TMEM177: variants seen among roughly 807,000 people sequenced by gnomAD.
The protein encoded by TMEM177 is transmembrane protein 177.
TMEM177 carries 4 observed loss-of-function variants against 14.2 expected under a neutral mutation model. The observed-to-expected ratio is 0.28, with a 90% CI of 0.14 to 0.64. TMEM177 has a LOEUF of 0.64. TMEM177 is among the 30% of genes least tolerant of loss of function. The pLI is 0.82. For missense variants in TMEM177, 344 were observed against 405.2 expected (o/e 0.85, Z 1.30); for synonymous variants, 179 against 174.5 (o/e 1.03, Z -0.20).
the TMEM177 span, among the ~76,000 whole-genome samples, chr2:119,709,935 C>T: frequency 6.6e-6 from 1 of 152,146 alleles, no homozygotes; most frequent in Non-Finnish European, 1.5e-5. Flanking sequence ...AAAATGTACG[C>T]ACTTGTAAAC....
downstream of TMEM177, among the ~76,000 whole-genome samples, chr2:119,682,515 AGT>A (rs1449312882): frequency 6.6e-6 from 1 of 152,048 alleles, no homozygotes; most frequent in Admixed American, 6.5e-5. Context: ...GGGCCTTAAG[AGT>A]GTTGTGTCAG....
downstream of TMEM177, among the ~76,000 whole-genome samples, chr2:119,688,447 G>A (rs777333773): frequency 6.6e-4 from 101 of 152,286 alleles, 1 homozygote; most frequent in Middle Eastern, 3.4e-3. Context: ...AACCTGGATG[G>A]CACAGCCTCC....
the TMEM177 span, among the ~76,000 whole-genome samples, chr2:119,704,512 C>T: frequency 1.3e-5 from 2 of 151,922 alleles, no homozygotes; most frequent in Admixed American, 6.6e-5. Context: ...GCAGGAGAAT[C>T]GCTTGAACCT....
chr2:119,699,351 C>T, the TMEM177 span, among the ~76,000 whole-genome samples: 2 of 152,280 alleles, frequency 1.3e-5, no homozygotes, highest in Non-Finnish European at 2.9e-5. Flanking sequence ...ATCACAAGCA[C>T]GGCACGGGGG....
chr2:119,681,651 A>C lies in TMEM177; in HGVS notation c.798A>C (p.Lys266Asn). ...TGGCCCTGCGCAGTCTCTTGGGCAA[A>C]GACGGGGAGAAGCTGTATACACCCA... ...GNLALRSLLGKDGEKLYTPSG... is the reference protein window; with the variant it reads ...GNLALRSLLGNDGEKLYTPSG... Residue 266 changes from lysine to asparagine, a missense_variant, in exon 2 of 2, where the codon AAA becomes AAC. By Grantham distance (94) the Lys-to-Asn change is moderately conservative. Transcript: ENST00000272521. The C allele has an allele frequency of 6.2e-7, 1 of 1,614,226 alleles. No individual in the cohort carries two copies. The highest frequency in any genetic ancestry group is 8.5e-7 in the Non-Finnish European group (1 of 1,180,046).
At chr2:119,704,107 G>T in the TMEM177 span, among the ~76,000 whole-genome samples, 1 of 152,208 alleles carries the variant, frequency 6.6e-6, no homozygotes, top group Non-Finnish European at 1.5e-5. Flanking sequence ...GCAGTGGAAT[G>T]CAGCCGAAAG....
At position 119,681,786 on chromosome 2, in the gene TMEM177, C is replaced by CG; in HGVS notation, c.933_934insG (p.Ter312ValfsTer19). ...GGGGGATGCTCAATCCGGGCCGCTC[C>CG]TGATGGGCTCATCACAAGGACACTT... On this transcript the variant is annotated frameshift_variant, in exon 2 of 2. Coordinates refer to ENST00000272521, the MANE Select transcript of TMEM177 (RefSeq NM_030577.3). LOFTEE classifies it high-confidence loss of function. 1.2e-6 allele frequency: 2 copies of CG among 1,610,706 alleles called. No individual in the cohort carries two copies. The highest frequency in any genetic ancestry group is 1.7e-5 in the Admixed American group (1 of 59,918).
At chr2:119,719,117 A>C in the TMEM177 span, among the ~76,000 whole-genome samples, 3 of 152,168 alleles carry the variant, frequency 2.0e-5, no homozygotes, top group African/African-American at 7.2e-5. Context: ...CTTAATGGTC[A>C]ACACACCCAA....
chr2:119,680,141 GCCT>G (rs1193409563), intron 1 of TMEM177, among the ~76,000 whole-genome samples: 1 of 152,098 alleles, frequency 6.6e-6, no homozygotes, highest in Non-Finnish European at 1.5e-5. Context: ...CATACTGATG[GCCT>G]CATTTTATCT....
At chr2:119,692,492 G>A in the TMEM177 span, among the ~76,000 whole-genome samples, 2 of 152,362 alleles carry the variant, frequency 1.3e-5, no homozygotes, top group East Asian at 1.9e-4. Context: ...CGAGGTCGGC[G>A]CTGGGGTGGC....
the TMEM177 span, among the ~76,000 whole-genome samples, chr2:119,692,032 G>A: frequency 6.6e-6 from 1 of 152,198 alleles, no homozygotes; most frequent in Non-Finnish European, 1.5e-5. Flanking sequence ...AAGACCACTC[G>A]GGAGCTGGGC....
the TMEM177 span, among the ~76,000 whole-genome samples, chr2:119,703,584 T>C: frequency 1.3e-5 from 2 of 152,190 alleles, no homozygotes; most frequent in African/African-American, 4.8e-5. Flanking sequence ...AGTGCTCACA[T>C]ATAATGTGGA....
chr2:119,720,370 G>A, the TMEM177 span, among the ~76,000 whole-genome samples: 1 of 151,850 alleles, frequency 6.6e-6, no homozygotes, highest in Non-Finnish European at 1.5e-5. Context: ...TGCCTCCCAG[G>A]TTCAAGTGAT....
chr2:119,699,913 C>T, the TMEM177 span: 2 of 449,026 alleles, frequency 4.5e-6, no homozygotes, highest in Admixed American at 2.3e-5. Flanking sequence ...CAATGCTGAA[C>T]TTAAGGGTTT....
the TMEM177 span, among the ~76,000 whole-genome samples, chr2:119,710,632 C>CA: frequency 6.6e-6 from 1 of 150,594 alleles, no homozygotes; most frequent in Non-Finnish European, 1.5e-5. Flanking sequence ...CTTTTTGAGA[C>CA]AGAGTCTTGC....
chr2:119,718,922 G>A, the TMEM177 span, among the ~76,000 whole-genome samples: 2 of 152,112 alleles, frequency 1.3e-5, no homozygotes, highest in African/African-American at 2.4e-5. Context: ...TGTGTTTCTC[G>A]AACTTTAACG....
intron 1 of TMEM177, among the ~76,000 whole-genome samples, chr2:119,680,325 A>G (rs932959075): frequency 1.3e-5 from 2 of 152,184 alleles, no homozygotes; most frequent in African/African-American, 4.8e-5. Context: ...GCTTTGAAAT[A>G]GGGTTAGCTG....
chr2:119,699,443 A>G, the TMEM177 span, among the ~76,000 whole-genome samples: 4,005 of 152,294 alleles, frequency 0.026, 56 homozygotes, highest in Non-Finnish European at 0.032. Flanking sequence ...TTTGTCCCAC[A>G]GCTACGAAAA....
the TMEM177 span, among the ~76,000 whole-genome samples, chr2:119,701,487 C>T: frequency 5.9e-4 from 90 of 151,746 alleles, no homozygotes; most frequent in African/African-American, 1.8e-3. Context: ...CCTAGGGGGT[C>T]GGGGGAGCCC....
Sources: allele counts gnomAD v4.1 joint callset (sites outside exome capture counted in the v4.1 genomes callset), GRCh38; gene constraint gnomAD v4.1.1; transcripts MANE v1.5; gene names NCBI Gene and HGNC (gene_info 2026-07-23, HGNC 2026-07-21).